The following ACVR1B variants were observed in gnomAD, a reference collection of about 807,000 sequenced individuals.
ACVR1B encodes the protein activin receptor type-1B.
Under a neutral mutation model 55.6 loss-of-function variants are expected in ACVR1B, and 15 were observed. The ratio of observed to expected loss-of-function variants is 0.27; its 90% CI spans 0.18 to 0.42. The LOEUF (loss-of-function observed/expected upper bound fraction) is 0.42. ACVR1B is among the 10% of genes least tolerant of loss of function. The pLI, the probability that ACVR1B is intolerant of heterozygous loss-of-function variation, is 1.00. For missense variants in ACVR1B, 359 were observed against 670.1 expected (o/e 0.54, Z 5.13); for synonymous variants, 247 against 254.6 (o/e 0.97, Z 0.28).
At chr12:51,980,726 A>T (rs950592284) in intron 3 of ACVR1B, among the ~76,000 whole-genome samples, 1 of 152,334 alleles carries the variant, frequency 6.6e-6, no homozygotes, top group South Asian at 2.1e-4. Flanking sequence ...TTGCCTAGAT[A>T]AGGAGTAGCT....
intron 7 of ACVR1B, chr12:51,987,219 G>A (rs970440124): frequency 3.1e-6 from 2 of 655,594 alleles, no homozygotes; most frequent in Non-Finnish European, 2.8e-6. Flanking sequence ...TTATTAGTCC[G>A]TGGCGGGGAG....
At chr12:51,982,861 A>G (rs1942006415) in intron 4 of ACVR1B, 1 of 1,434,230 alleles carries the variant, frequency 7.0e-7, no homozygotes. Context: ...TAAATCTTAT[A>G]TGTTTTAAAA....
intron 1 of ACVR1B, among the ~76,000 whole-genome samples, chr12:51,965,400 T>C (rs1052046016): frequency 1.4e-4 from 21 of 152,094 alleles, no homozygotes; most frequent in African/African-American, 5.1e-4. Flanking sequence ...ACAACTAACA[T>C]TTATAGTTTT....
At chr12:51,990,150 C>T (rs752528489) in intron 7 of ACVR1B, among the ~76,000 whole-genome samples, 25 of 151,448 alleles carry the variant, frequency 1.7e-4, no homozygotes, top group African/African-American at 4.4e-4. Context: ...AAAAATTAGC[C>T]GGGCATGGTG....
At chr12:51,984,294 T>A in intron 5 of ACVR1B, 128 bp downstream of exon 5, 1 of 1,145,234 alleles carries the variant, frequency 8.7e-7, no homozygotes, top group Non-Finnish European at 1.2e-6. Flanking sequence ...CTAGTTTAAT[T>A]TAAAGGAAAG....
chr12:51,982,696 A>C, intron 4 of ACVR1B: 1 of 1,531,262 alleles, frequency 6.5e-7, no homozygotes, highest in South Asian at 1.2e-5. Context: ...CAGACTGCTC[A>C]TTCCTCACAT....
At chr12:51,973,164 G>T (rs1409667769) in intron 1 of ACVR1B, among the ~76,000 whole-genome samples, 2 of 152,246 alleles carry the variant, frequency 1.3e-5, no homozygotes, top group Admixed American at 6.5e-5. Context: ...TAAGTATCTG[G>T]AAGCAGAGGC....
intron 1 of ACVR1B, among the ~76,000 whole-genome samples, chr12:51,964,827 A>G (rs192923947): frequency 2.6e-4 from 40 of 152,280 alleles, no homozygotes; most frequent in Non-Finnish European, 4.3e-4. Context: ...TTGTATGTCT[A>G]TACTTAGCAC....
chr12:51,993,879 C>G (rs373249377), intron 8 of ACVR1B, 106 bp from the exon 9 acceptor site: 8 of 1,426,100 alleles, frequency 5.6e-6, no homozygotes, highest in Middle Eastern at 1.8e-4. Flanking sequence ...GTGGATCTGC[C>G]AGACTGCACT....
chr12:51,986,206 A>G (rs1230647361), intron 6 of ACVR1B, among the ~76,000 whole-genome samples: 1 of 152,206 alleles, frequency 6.6e-6, no homozygotes. Flanking sequence ...GACCCACATT[A>G]CAAGTACTTC....
intron 8 of ACVR1B, 107 bp from the exon 9 acceptor site, chr12:51,993,878 C>A: frequency 2.8e-6 from 4 of 1,423,042 alleles, no homozygotes; most frequent in Non-Finnish European, 2.8e-6. Context: ...TGTGGATCTG[C>A]CAGACTGCAC....
At chr12:51,990,312 C>CTTTTTTTTTTTT (rs71092738) in intron 7 of ACVR1B, among the ~76,000 whole-genome samples, 1 of 89,582 alleles carries the variant, frequency 1.1e-5, no homozygotes. Flanking sequence ...AAATTTAGTG[C>CTTTTTTTTTTTT]TTTTTTTTTT....
chr12:51,986,787 G>T, intron 6 of ACVR1B, 31 bp from the exon 7 acceptor site: 1 of 1,592,664 alleles, frequency 6.3e-7, no homozygotes, highest in Non-Finnish European at 8.5e-7. Context: ...ATCATTTTCT[G>T]TGCGTGACCA....
In ACVR1B at chr12:51,995,177, G is replaced by T. The variant is rs891969659; in HGVS notation, c.*1067G>T. On this transcript the variant is annotated 3_prime_UTR_variant, in exon 9 of 9. Coordinates refer to ENST00000257963, the MANE Select transcript of ACVR1B (RefSeq NM_004302.5). ...GGAAGGGCCGAGGAATGTGAAGCCA[G>T]ATCTCGGGACTCAGATTGGAATGTT... The T allele has an allele frequency of 1.3e-5, 2 of 152,378 alleles. No homozygotes were observed. Among genetic ancestry groups the T allele is most frequent in the African/African-American group, 2.4e-5 (1 of 41,328 alleles). The allele number at this position is 152,378 out of a possible 1,614,324, so 9.4% of individuals were successfully genotyped here. A position where few individuals can be genotyped will look rare whatever the true frequency, so the allele number is the denominator to read the frequency against.
intron 1 of ACVR1B, among the ~76,000 whole-genome samples, chr12:51,972,292 TAC>T (rs2120566327): frequency 6.6e-6 from 1 of 152,316 alleles, no homozygotes; most frequent in East Asian, 1.9e-4. Context: ...CCCTGTGAAA[TAC>T]AGTCACGTGC....
chr12:51,960,831 G>A (rs993796109), intron 1 of ACVR1B, among the ~76,000 whole-genome samples: 5 of 152,176 alleles, frequency 3.3e-5, no homozygotes, highest in Admixed American at 2.0e-4. Flanking sequence ...CACCCTGTTT[G>A]TCTGACCTAG....
chr12:51,981,320 A>G, intron 4 of ACVR1B, 121 bp downstream of exon 4: 10 of 784,654 alleles, frequency 1.3e-5, no homozygotes, highest in Non-Finnish European at 1.8e-5. Flanking sequence ...AAACTTGAGT[A>G]AGGTCAAGGT....
intron 1 of ACVR1B, among the ~76,000 whole-genome samples, chr12:51,960,418 T>A (rs1285062108): frequency 2.6e-5 from 4 of 151,750 alleles, no homozygotes; most frequent in African/African-American, 9.7e-5. Context: ...TGAGATCCTG[T>A]CTCAAAAAAA....
rs922463593 is a variant in ACVR1B, at chr12:51,997,017, T to C, written c.*2907T>C. On this transcript the variant is annotated 3_prime_UTR_variant, in exon 9 of 9. Transcript: ENST00000257963. Reference sequence around the variant, plus strand: ...AATTGTAATATAGGAAATCTTTTGTTTTAATATAAGAATGAGCCTGTCCAA... The same window carrying C: ...AATTGTAATATAGGAAATCTTTTGTCTTAATATAAGAATGAGCCTGTCCAA... 1 of 152,636 alleles carries C rather than the reference T, an allele frequency of 6.6e-6. No individual in the cohort carries two copies. The highest frequency in any genetic ancestry group is 2.4e-5 in the African/African-American group (1 of 41,434). The allele number at this position is 152,636 out of a possible 1,614,324, so 9.5% of individuals were successfully genotyped here.
Sources: allele counts gnomAD v4.1 joint callset (sites outside exome capture counted in the v4.1 genomes callset), GRCh38; gene constraint gnomAD v4.1.1; transcripts MANE v1.5; gene names NCBI Gene and HGNC (gene_info 2026-07-23, HGNC 2026-07-21).